The following PPIH variants were observed in gnomAD, a reference collection of about 807,000 sequenced individuals.
PPIH encodes the protein peptidyl-prolyl cis-trans isomerase H.
Under a neutral mutation model 27.6 loss-of-function variants are expected in PPIH, and 16 were observed. That is an observed-to-expected ratio of 0.58 (90% CI 0.39 to 0.88). The LOEUF (loss-of-function observed/expected upper bound fraction) is 0.88, where lower values mean the gene tolerates loss of function less well. Among genes scored for constraint, PPIH ranks in the 40% least tolerant of loss-of-function variants. PPIH has a pLI of 0.00. For missense variants in PPIH, 155 were observed against 224.1 expected (o/e 0.69, Z 1.97); for synonymous variants, 63 against 76.1 (o/e 0.83, Z 0.90).
intron 9 of PPIH, among the ~76,000 whole-genome samples, chr1:42,676,191 C>T (rs946584961): frequency 1.3e-5 from 2 of 151,878 alleles, no homozygotes; most frequent in Admixed American, 1.3e-4. Flanking sequence ...TGGGAGTGGC[C>T]GGGCACGGTG....
At chr1:42,664,362 T>C (rs1167462430) in intron 5 of PPIH, among the ~76,000 whole-genome samples, 1 of 152,202 alleles carries the variant, frequency 6.6e-6, no homozygotes, top group Non-Finnish European at 1.5e-5. Context: ...GAACTCTAGT[T>C]GGCCCAGAGT....
chr1:42,661,014 G>T (rs1030964440), intron 5 of PPIH, 110 bp downstream of exon 5: 7 of 1,035,588 alleles, frequency 6.8e-6, no homozygotes, highest in Non-Finnish European at 8.8e-6. Context: ...GAGAACAATA[G>T]CCAGGTTTGA....
At chr1:42,659,182 C>A in intron 2 of PPIH, 46 bp from the exon 3 acceptor site, 1 of 1,612,268 alleles carries the variant, frequency 6.2e-7, no homozygotes, top group Non-Finnish European at 8.5e-7. Context: ...GCGCTCACGA[C>A]TGTGACATCA....
intron 6 of PPIH, among the ~76,000 whole-genome samples, chr1:42,665,461 G>T (rs1410625985): frequency 6.6e-6 from 1 of 152,140 alleles, no homozygotes; most frequent in Non-Finnish European, 1.5e-5. Flanking sequence ...TAGCAGGCTA[G>T]CAGGCTGGGG....
chr1:42,664,617 G>C (rs1649229348), intron 5 of PPIH, among the ~76,000 whole-genome samples: 1 of 152,152 alleles, frequency 6.6e-6, no homozygotes, highest in African/African-American at 2.4e-5. Context: ...TCGTTCTAGA[G>C]GCCCAGCTGT....
rs373111692 is a variant in PPIH at position 42,671,885 on chromosome 1, C to CT, written c.*21+4460dup. ...CCTATTGGGCAGTATTTCTTTCTTT[C>CT]TTTTTTTTTTTTTTTCGAGACGGAG... On this transcript the variant is annotated intron_variant, in intron 9 of 9. Transcript: ENST00000304979. Among the ~76,000 whole-genome samples, 327 of 140,266 alleles carry CT rather than the reference C, an allele frequency of 2.3e-3. 1 individual carries two copies. Among genetic ancestry groups the CT allele is most frequent in the African/African-American group, 6.9e-3 (264 of 38,236 alleles). The allele number at this position is 140,266 out of a possible 152,430, so 92.0% of individuals were successfully genotyped here.
At chr1:42,664,299 A>C (rs147260267) in intron 5 of PPIH, among the ~76,000 whole-genome samples, 38 of 152,306 alleles carry the variant, frequency 2.5e-4, no homozygotes, top group African/African-American at 9.1e-4. Context: ...TTTACATGTT[A>C]CAAATTTAGC....
chr1:42,662,531 G>A (rs946050313), intron 5 of PPIH, among the ~76,000 whole-genome samples: 1 of 151,814 alleles, frequency 6.6e-6, no homozygotes, highest in African/African-American at 2.4e-5. Flanking sequence ...TCCAGCCTGG[G>A]CGACAGAGCA....
intron 9 of PPIH, among the ~76,000 whole-genome samples, chr1:42,669,489 G>T (rs575787362): frequency 6.6e-6 from 1 of 152,280 alleles, no homozygotes; most frequent in African/African-American, 2.4e-5. Context: ...TAGAGATGGG[G>T]TTTCATCATG....
At chr1:42,674,143 A>C (rs192732477) in intron 9 of PPIH, among the ~76,000 whole-genome samples, 2 of 152,246 alleles carry the variant, frequency 1.3e-5, no homozygotes, top group African/African-American at 2.4e-5. Context: ...ATTACAGTAC[A>C]ATAAAGCCCT....
At chr1:42,679,913 T>A (rs1040076846), downstream of PPIH, among the ~76,000 whole-genome samples, 1 of 152,254 alleles carries the variant, frequency 6.6e-6, no homozygotes, top group Non-Finnish European at 1.5e-5. Flanking sequence ...GCTGCCCAGA[T>A]GACCCTTCTG....
intron 3 of PPIH, 130 bp downstream of exon 3, chr1:42,659,381 A>G (rs1431406346): frequency 1.2e-6 from 2 of 1,614,116 alleles, no homozygotes; most frequent in Non-Finnish European, 1.7e-6. Context: ...GTAATGCCCC[A>G]AGGGTCTGTC....
chr1:42,671,637 G>A (rs1461417129), intron 9 of PPIH, among the ~76,000 whole-genome samples: 3 of 152,104 alleles, frequency 2.0e-5, no homozygotes, highest in Admixed American at 6.5e-5. Flanking sequence ...CGGATAATGA[G>A]CTAAGAACTT....
chr1:42,672,683 G>A (rs964856524), intron 9 of PPIH, among the ~76,000 whole-genome samples: 2 of 151,418 alleles, frequency 1.3e-5, no homozygotes, highest in African/African-American at 2.4e-5. Context: ...ATCTCACTCC[G>A]TTGCCCAGGC....
At chr1:42,661,015 C>A in intron 5 of PPIH, 111 bp downstream of exon 5, 1 of 1,026,216 alleles carries the variant, frequency 9.7e-7, no homozygotes, top group Non-Finnish European at 1.5e-6. Flanking sequence ...AGAACAATAG[C>A]CAGGTTTGAT....
downstream of PPIH, among the ~76,000 whole-genome samples, chr1:42,677,851 C>T (rs1649934808): frequency 6.6e-6 from 1 of 152,166 alleles, no homozygotes; most frequent in South Asian, 2.1e-4. Flanking sequence ...AAGAAAGTTC[C>T]CTGATGTTTC....
At chr1:42,660,067 A>C (rs1648919877) in intron 4 of PPIH, among the ~76,000 whole-genome samples, 1 of 152,214 alleles carries the variant, frequency 6.6e-6, no homozygotes, top group Admixed American at 6.5e-5. Flanking sequence ...TCTAATCCCC[A>C]GTAAGACTCC....
At chr1:42,666,487 T>C in intron 7 of PPIH, 60 bp from the exon 8 acceptor site, 1 of 1,539,354 alleles carries the variant, frequency 6.5e-7, no homozygotes, top group Non-Finnish European at 9.0e-7. Context: ...AGAATGGGCT[T>C]TGGAAGCTGG....
intron 9 of PPIH, among the ~76,000 whole-genome samples, chr1:42,671,818 T>C (rs768947368): frequency 7.9e-5 from 12 of 151,966 alleles, no homozygotes; most frequent in Non-Finnish European, 1.5e-4. Context: ...GAATTTCCCA[T>C]GGAGCAGGGG....
Sources: allele counts gnomAD v4.1 joint callset (sites outside exome capture counted in the v4.1 genomes callset), GRCh38; gene constraint gnomAD v4.1.1; transcripts MANE v1.5; gene names NCBI Gene and HGNC (gene_info 2026-07-23, HGNC 2026-07-21).